The following TOX variants were observed in gnomAD, a reference collection of about 807,000 sequenced individuals.
TOX encodes thymocyte selection-associated high mobility group box protein TOX.
A neutral mutation model predicts 53.7 loss-of-function variants in TOX; 11 were observed. The ratio of observed to expected loss-of-function variants is 0.20; its 90% CI spans 0.13 to 0.34. TOX has a LOEUF of 0.34. TOX is among the 10% of genes least tolerant of loss of function. The probability of loss-of-function intolerance (pLI) is 1.00; values close to 1 mark genes in which losing one functional copy is unlikely to be tolerated. For missense variants in TOX, 570 were observed against 664.6 expected (o/e 0.86, Z 1.56); for synonymous variants, 225 against 245.3 (o/e 0.92, Z 0.77).
chr8:59,045,458 G>A (rs536953875), intron 1 of TOX, among the ~76,000 whole-genome samples: 92 of 152,280 alleles, frequency 6.0e-4, no homozygotes, highest in African/African-American at 1.9e-3. Flanking sequence ...CTGCTGAGAC[G>A]CAAAGAAATC....
chr8:59,048,957 C>T (rs7015624), intron 1 of TOX, among the ~76,000 whole-genome samples: 8,483 of 151,918 alleles, frequency 0.056, 798 homozygotes, highest in African/African-American at 0.19. Flanking sequence ...AATGTATTTT[C>T]GAAAAAATGT....
chr8:59,059,448 A>G (rs1437547065), intron 1 of TOX, among the ~76,000 whole-genome samples: 1 of 152,164 alleles, frequency 6.6e-6, no homozygotes, highest in African/African-American at 2.4e-5. Context: ...AATATCACCA[A>G]GTTACTAAAG....
At chr8:58,948,456 G>A (rs189085305) in intron 2 of TOX, among the ~76,000 whole-genome samples, 21 of 152,138 alleles carry the variant, frequency 1.4e-4, no homozygotes, top group South Asian at 6.2e-4. Context: ...GGCATTGTAC[G>A]TAATTGTCAT....
At chr8:58,940,954 A>G (rs1812427243) in intron 2 of TOX, among the ~76,000 whole-genome samples, 1 of 152,230 alleles carries the variant, frequency 6.6e-6, no homozygotes, top group Admixed American at 6.5e-5. Flanking sequence ...ACCTGGTCAT[A>G]GAGCAGCACA....
At chr8:58,828,486 G>GT (rs35800256) in intron 5 of TOX, among the ~76,000 whole-genome samples, 4,382 of 145,426 alleles carry the variant, frequency 0.03, 75 homozygotes, top group Non-Finnish European at 0.037. Flanking sequence ...ATATTTCAGA[G>GT]TTTTTTTTTT....
intron 2 of TOX, among the ~76,000 whole-genome samples, chr8:58,959,612 T>G (rs1365207205): frequency 2.6e-5 from 4 of 152,206 alleles, no homozygotes; most frequent in African/African-American, 9.7e-5. Flanking sequence ...TTATAATGAT[T>G]AAATCATCTA....
At chr8:58,963,314 T>TATATATATATAGATAG (rs71557744) in intron 1 of TOX, among the ~76,000 whole-genome samples, 87 of 130,740 alleles carry the variant, frequency 6.7e-4, no homozygotes, top group African/African-American at 1.9e-3. Context: ...TAGATATATA[T>TATATATATATAGATAG]ATAGATAGAT....
At chr8:58,947,792 G>A (rs1183891163) in intron 2 of TOX, among the ~76,000 whole-genome samples, 2 of 152,164 alleles carry the variant, frequency 1.3e-5, no homozygotes, top group East Asian at 3.8e-4. Context: ...TGATATCAGG[G>A]CCTAAAGATC....
intron 1 of TOX, among the ~76,000 whole-genome samples, chr8:58,991,013 A>G (rs1463236526): frequency 2.6e-5 from 4 of 152,204 alleles, no homozygotes; most frequent in Non-Finnish European, 5.9e-5. Context: ...GCCTATGTTA[A>G]TTAATCCTCG....
At chr8:59,116,861 T>C (rs996054923) in intron 1 of TOX, among the ~76,000 whole-genome samples, 2 of 152,262 alleles carry the variant, frequency 1.3e-5, no homozygotes, top group Admixed American at 1.3e-4. Context: ...AATGAGCTAG[T>C]AAAGAAATTC....
chr8:58,949,972 G>T (rs1309529173), intron 2 of TOX, among the ~76,000 whole-genome samples: 1 of 64,552 alleles, frequency 1.5e-5, no homozygotes, highest in East Asian at 5.4e-4. Context: ...CATGTGTATA[G>T]TTCATATACA....
At chr8:59,057,333 G>A (rs942272991) in intron 1 of TOX, among the ~76,000 whole-genome samples, 15 of 152,040 alleles carry the variant, frequency 9.9e-5, no homozygotes, top group African/African-American at 3.1e-4. Flanking sequence ...ACTACACTGA[G>A]CCCTTTACAA....
chr8:58,929,509 C>T (rs1178185080), intron 3 of TOX, among the ~76,000 whole-genome samples: 4 of 151,910 alleles, frequency 2.6e-5, no homozygotes, highest in Non-Finnish European at 5.9e-5. Flanking sequence ...AAAAAAAAAT[C>T]TAAAACCAAA....
At chr8:58,991,199 A>G (rs559229508) in intron 1 of TOX, among the ~76,000 whole-genome samples, 1 of 152,326 alleles carries the variant, frequency 6.6e-6, no homozygotes, top group South Asian at 2.1e-4. Context: ...ACAAACACAC[A>G]TTGTGGTGAC....
chr8:59,022,427 C>A (rs369694450), intron 1 of TOX, among the ~76,000 whole-genome samples: 2 of 152,162 alleles, frequency 1.3e-5, no homozygotes, highest in African/African-American at 4.8e-5. Flanking sequence ...GCTTTCTAGA[C>A]CCCATTTACA....
intron 1 of TOX, among the ~76,000 whole-genome samples, chr8:59,037,663 G>A (rs889008124): frequency 3.3e-5 from 5 of 151,902 alleles, no homozygotes; most frequent in African/African-American, 9.7e-5. Context: ...TTAGCCGGCC[G>A]TGGTGGCAGG....
At chr8:58,938,140 G>A (rs1019100187) in intron 3 of TOX, among the ~76,000 whole-genome samples, 2 of 152,132 alleles carry the variant, frequency 1.3e-5, no homozygotes, top group Admixed American at 1.3e-4. Flanking sequence ...TTAGGCAGTA[G>A]GCTCTGGGTT....
At chr8:58,872,896 T>C (rs1200044850) in intron 3 of TOX, among the ~76,000 whole-genome samples, 1 of 152,162 alleles carries the variant, frequency 6.6e-6, no homozygotes, top group Admixed American at 6.6e-5. Context: ...TATTGATTCA[T>C]TAATTGTGAC....
intron 3 of TOX, among the ~76,000 whole-genome samples, chr8:58,887,394 A>C (rs1427218198): frequency 6.6e-6 from 1 of 151,866 alleles, no homozygotes; most frequent in Admixed American, 6.6e-5. Flanking sequence ...TATTTGCTGA[A>C]ATTCTCCTCT....
Sources: allele counts gnomAD v4.1 joint callset (sites outside exome capture counted in the v4.1 genomes callset), GRCh38; gene constraint gnomAD v4.1.1; transcripts MANE v1.5; gene names NCBI Gene and HGNC (gene_info 2026-07-23, HGNC 2026-07-21).